Variants in FRK observed in about 807,000 individuals in gnomAD.
The protein encoded by FRK is tyrosine-protein kinase FRK.
In FRK, 51 loss-of-function variants were observed where a neutral mutation model predicts 56.4. The observed-to-expected ratio is 0.90, with a 90% confidence interval of 0.72 to 1.14. FRK has a LOEUF of 1.14. FRK is among the 50% of genes most tolerant of loss of function. The pLI, the probability that FRK is intolerant of heterozygous loss-of-function variation, is 0.00. For synonymous variants in FRK, 245 were observed against 217.9 expected, an observed-to-expected ratio of 1.12 and a Z score of -1.10; for missense variants, 570 against 601.4, an observed-to-expected ratio of 0.95 and a Z score of 0.55.
At chr6:116,005,812 G>C (rs1211015582) in intron 1 of FRK, among the ~76,000 whole-genome samples, 2 of 152,062 alleles carry the variant, frequency 1.3e-5, no homozygotes, top group Admixed American at 6.5e-5. Flanking sequence ...AAGAATGGAT[G>C]ACTCAATAAA....
chr6:116,003,384 C>T (rs780464891), intron 2 of FRK, among the ~76,000 whole-genome samples: 1 of 152,172 alleles, frequency 6.6e-6, no homozygotes, highest in African/African-American at 2.4e-5. Context: ...AGTGTAAACA[C>T]GTACTTGATC....
At position 115,966,061 on chromosome 6, in the gene FRK, T is replaced by TA. The variant is rs1773558692; in HGVS notation, c.799+1489_799+1490insT. The stretch of plus-strand genomic sequence containing the variant: ...AACTTAAAGTATAATAAAAAAAAAA[T>TA]TAAAAAAAAAAAGAAATACTTAAAA... On this transcript the variant is annotated intron_variant, in intron 4 of 7. Coordinates refer to ENST00000606080, the MANE Select transcript of FRK (RefSeq NM_002031.3). Among the ~76,000 whole-genome samples, 8 of 14,644 alleles carry TA rather than the reference T, an allele frequency of 5.5e-4. No individual in the cohort carries two copies. The East Asian group carries it at 0.033, about 60-fold the overall frequency. 9.6% of individuals were successfully genotyped at this position (14,644 alleles called of 152,430 possible).
intron 1 of FRK, among the ~76,000 whole-genome samples, chr6:116,033,955 A>G (rs1776382867): frequency 1.3e-5 from 2 of 152,094 alleles, no homozygotes; most frequent in South Asian, 4.1e-4. Flanking sequence ...TGCTGAAGGA[A>G]GAGGCAAAGC....
In FRK at chr6:115,942,249, A is replaced by G; in HGVS notation, c.*165T>C. ...ACTGTCCTGCAGTGTTGCCCAGTCA[A>G]TAAAATGCACAAATAATCTTTTTCA... is the stretch of plus-strand genomic sequence containing the variant. On this transcript the variant is annotated 3_prime_UTR_variant, in exon 8 of 8. Coordinates refer to ENST00000606080, the MANE Select transcript of FRK (RefSeq NM_002031.3). 1.6e-6 allele frequency: 1 copy of G among 614,032 alleles called. No individual in the cohort carries two copies. 38.0% of individuals were successfully genotyped at this position (614,032 alleles called of 1,614,324 possible).
chr6:115,992,702 G>A (rs573395745), intron 2 of FRK, among the ~76,000 whole-genome samples: 1 of 151,910 alleles, frequency 6.6e-6, no homozygotes, highest in African/African-American at 2.4e-5. Flanking sequence ...GATGGGAAGT[G>A]CAAGTCTTAA....
intron 1 of FRK, among the ~76,000 whole-genome samples, chr6:116,030,854 G>A (rs1776282929): frequency 6.6e-6 from 1 of 152,154 alleles, no homozygotes; most frequent in African/African-American, 2.4e-5. Context: ...TAGTTGGTCA[G>A]AAGCAAAGGT....
chr6:116,081,660 A>AATAT, the FRK span, among the ~76,000 whole-genome samples: 7 of 148,844 alleles, frequency 4.7e-5, no homozygotes, highest in South Asian at 2.1e-4. Context: ...TCCATATAAA[A>AATAT]ATATATATAT....
chr6:115,952,737 C>A (rs1170263477), intron 5 of FRK, among the ~76,000 whole-genome samples: 5 of 151,796 alleles, frequency 3.3e-5, no homozygotes. Flanking sequence ...GAATACTATG[C>A]AGCCATAAAA....
the FRK span, among the ~76,000 whole-genome samples, chr6:116,076,102 G>A: frequency 2.6e-4 from 40 of 152,134 alleles, no homozygotes; most frequent in African/African-American, 8.4e-4. Flanking sequence ...GAGTCACTTC[G>A]TTTATAAATG....
At chr6:116,025,615 A>G (rs1454796572) in intron 1 of FRK, among the ~76,000 whole-genome samples, 1 of 152,158 alleles carries the variant, frequency 6.6e-6, no homozygotes, top group Non-Finnish European at 1.5e-5. Context: ...CATTCTTGTC[A>G]TTTTGACCTT....
intron 2 of FRK, among the ~76,000 whole-genome samples, chr6:115,993,346 G>A (rs983307311): frequency 4.0e-5 from 6 of 151,728 alleles, no homozygotes; most frequent in Admixed American, 2.6e-4. Flanking sequence ...GTTTTGATAC[G>A]TAATGCTGTG....
At chr6:116,082,777 T>G in the FRK span, among the ~76,000 whole-genome samples, 1 of 152,128 alleles carries the variant, frequency 6.6e-6, no homozygotes, top group Admixed American at 6.5e-5. Flanking sequence ...AGATGTCAAG[T>G]GGACAACTAG....
chr6:116,046,091 A>G (rs1227355658), intron 1 of FRK, among the ~76,000 whole-genome samples: 12 of 152,244 alleles, frequency 7.9e-5, no homozygotes, highest in Non-Finnish European at 1.2e-4. Flanking sequence ...AACCATGATG[A>G]GATACCATCT....
In FRK at chr6:116,058,889, GGA is replaced by G. The variant is rs1562310394; in HGVS notation, c.344+1077_344+1078del. On this transcript the variant is annotated intron_variant, in intron 1 of 7. Coordinates refer to ENST00000606080, the MANE Select transcript of FRK (RefSeq NM_002031.3). ...TCGCGCCACTGCACTCCAGCCTGGGGGACAGAGCGAGACTCCGTCTCAAAAAA... is the reference window on the plus strand; with the variant it reads ...TCGCGCCACTGCACTCCAGCCTGGGGCAGAGCGAGACTCCGTCTCAAAAAA... Among the ~76,000 whole-genome samples the G allele has an allele frequency of 2.8e-5, 4 of 140,544 alleles. No homozygotes were observed. The East Asian group carries it at 7.9e-4, about 28-fold the overall frequency. 92.2% of individuals were successfully genotyped at this position (140,544 alleles called of 152,430 possible). A position where few individuals can be genotyped will look rare whatever the true frequency, so the allele number is the denominator to read the frequency against.
chr6:116,011,843 A>G (rs1320121779), intron 1 of FRK, among the ~76,000 whole-genome samples: 3 of 152,114 alleles, frequency 2.0e-5, no homozygotes, highest in African/African-American at 7.2e-5. Flanking sequence ...CTATGAAGAA[A>G]ATCTCTGTGA....
At chr6:116,095,862 T>A in the FRK span, among the ~76,000 whole-genome samples, 1 of 152,088 alleles carries the variant, frequency 6.6e-6, no homozygotes, top group African/African-American at 2.4e-5. Flanking sequence ...GTGTTGCTTT[T>A]ACACTAACCA....
In FRK at chr6:115,933,939, A is replaced by G. The variant is rs1057426182; in HGVS notation, c.*8475T>C. 6.6e-6 allele frequency: 1 copy of G among 152,104 alleles called. No homozygotes were observed. The highest frequency in any genetic ancestry group is 6.5e-5 in the Admixed American group (1 of 15,280). The allele number at this position is 152,104 out of a possible 1,614,324, so 9.4% of individuals were successfully genotyped here. ...GTTCTATAATCTTTAGCTTCACATGACCCATTTAATTTCAAGGTCATCAGG... is the reference window on the plus strand; with the variant it reads ...GTTCTATAATCTTTAGCTTCACATGGCCCATTTAATTTCAAGGTCATCAGG... On this transcript the variant is annotated 3_prime_UTR_variant, in exon 8 of 8. Coordinates refer to ENST00000606080, the MANE Select transcript of FRK (RefSeq NM_002031.3).
At chr6:116,097,391 C>T in the FRK span, among the ~76,000 whole-genome samples, 21 of 152,086 alleles carry the variant, frequency 1.4e-4, no homozygotes, top group East Asian at 3.9e-3. Flanking sequence ...GTTGAACATA[C>T]AATGTTTAAT....
In FRK at chr6:116,017,282, T is replaced by C. The variant is rs140176222; in HGVS notation, c.345-13284A>G. 9.0e-3 allele frequency among the ~76,000 whole-genome samples: 1,365 copies of C among 152,294 alleles called. 23 individuals are homozygous for C. Among genetic ancestry groups the C allele is most frequent in the African/African-American group, 0.031 (1,284 of 41,556 alleles). ...TGTACACAGTGAACTGCAACCTAAA[T>C]GGATGTGCAAACAGACTGTAACCTA... On this transcript the variant is annotated intron_variant, in intron 1 of 7. Transcript: ENST00000606080.
Sources: gnomAD v4.1 joint callset for allele counts (sites outside exome capture counted in the v4.1 genomes callset) on GRCh38, gnomAD v4.1.1 for gene constraint, MANE v1.5 for transcripts, NCBI Gene and HGNC (gene_info 2026-07-23, HGNC 2026-07-21) for gene names.